SPON1: variants seen among roughly 807,000 people sequenced by gnomAD.
The protein encoded by SPON1 is spondin 1.
SPON1 carries 52 observed loss-of-function variants against 111.7 expected under a neutral mutation model. That is an observed-to-expected ratio of 0.47 (90% CI 0.37 to 0.59). The LOEUF (loss-of-function observed/expected upper bound fraction) is 0.59. Among genes scored for constraint, SPON1 ranks in the 20% least tolerant of loss-of-function variants. The probability of loss-of-function intolerance (pLI) is 0.00; values close to 1 mark genes in which losing one functional copy is unlikely to be tolerated. For synonymous variants in SPON1, 410 were observed against 395.8 expected, an observed-to-expected ratio of 1.04 and a Z score of -0.43; for missense variants, 957 against 1,068.5, an observed-to-expected ratio of 0.90 and a Z score of 1.46.
intron 6 of SPON1, among the ~76,000 whole-genome samples, chr11:14,141,029 C>CCCCCCCCCCCCCCCCCCCCCCCCCA (rs71041572): frequency 7.6e-6 from 1 of 132,274 alleles, no homozygotes; most frequent in African/African-American, 2.8e-5. Flanking sequence ...GTGCCCCCCC[C>CCCCCCCCCCCCCCCCCCCCCCCCCA]ATGCCCCACT....
chr11:14,254,779 C>T lies in SPON1; in HGVS notation c.1092+50C>T, dbSNP rs1554941021. The T allele has an allele frequency of 5.1e-6, 8 of 1,563,822 alleles. No homozygotes were observed. In the East Asian group the frequency reaches 1.8e-4, roughly 35 times the overall value. ...GAGTGGCTCCTTGCCTACCCGCTTCCTGAGTGTCCTGGACACAGAGGGGAT... is the reference window on the plus strand; with the variant it reads ...GAGTGGCTCCTTGCCTACCCGCTTCTTGAGTGTCCTGGACACAGAGGGGAT... On this transcript the variant is annotated intron_variant, in intron 8 of 15. Transcript: ENST00000576479.
chr11:14,013,013 C>T (rs781923265), intron 2 of SPON1, among the ~76,000 whole-genome samples: 3 of 152,206 alleles, frequency 2.0e-5, no homozygotes, highest in Non-Finnish European at 2.9e-5. Context: ...ATATTTCTTA[C>T]ATTCTTTCCC....
At chr11:13,988,241 T>C (rs1183509144) in intron 2 of SPON1, among the ~76,000 whole-genome samples, 4 of 152,228 alleles carry the variant, frequency 2.6e-5, no homozygotes, top group African/African-American at 9.6e-5. Context: ...AGCAGTGGTT[T>C]GTAGTTCTCC....
chr11:14,088,362 A>G (rs1165088490), intron 5 of SPON1, among the ~76,000 whole-genome samples: 1 of 152,170 alleles, frequency 6.6e-6, no homozygotes, highest in Non-Finnish European at 1.5e-5. Context: ...TTGTCTATAA[A>G]GGATTTTATT....
At chr11:14,106,460 A>T (rs1159268276) in intron 5 of SPON1, among the ~76,000 whole-genome samples, 2 of 152,194 alleles carry the variant, frequency 1.3e-5, no homozygotes, top group African/African-American at 4.8e-5. Context: ...ATATACCCTC[A>T]AGAATTGTTT....
chr11:14,101,912 G>A (rs1342784965), intron 5 of SPON1, among the ~76,000 whole-genome samples: 3 of 152,128 alleles, frequency 2.0e-5, no homozygotes, highest in African/African-American at 7.2e-5. Context: ...CAGAACTTCT[G>A]ATCACCTGTC....
intron 6 of SPON1, among the ~76,000 whole-genome samples, chr11:14,189,189 C>T (rs573187763): frequency 6.6e-6 from 1 of 152,184 alleles, no homozygotes; most frequent in African/African-American, 2.4e-5. Flanking sequence ...TGTCCAGAAG[C>T]CAATGATTGC....
chr11:14,061,574 T>G (rs1431378996), intron 3 of SPON1, among the ~76,000 whole-genome samples: 7 of 152,220 alleles, frequency 4.6e-5, no homozygotes, highest in Admixed American at 1.3e-4. Context: ...CAGTAAATCA[T>G]GGAGGAATAG....
chr11:14,044,106 T>A (rs1455450778), intron 3 of SPON1, among the ~76,000 whole-genome samples: 1 of 99,360 alleles, frequency 1.0e-5, no homozygotes, highest in Non-Finnish European at 2.5e-5. Flanking sequence ...GCAAGTTTTT[T>A]AAAGTCATGA....
intron 6 of SPON1, among the ~76,000 whole-genome samples, chr11:14,140,535 C>A (rs1847641530): frequency 6.6e-6 from 1 of 152,142 alleles, no homozygotes; most frequent in African/African-American, 2.4e-5. Flanking sequence ...GCTGGGATTA[C>A]AGGCGCCTGC....
intron 6 of SPON1, among the ~76,000 whole-genome samples, chr11:14,200,814 T>TA (rs572814576): frequency 0.024 from 1,896 of 79,244 alleles, 39 homozygotes; most frequent in African/African-American, 0.031. Context: ...GACCCTGTCT[T>TA]AAAAAAAAAA....
At chr11:14,166,508 A>G (rs1848031792) in intron 6 of SPON1, among the ~76,000 whole-genome samples, 1 of 152,146 alleles carries the variant, frequency 6.6e-6, no homozygotes, top group African/African-American at 2.4e-5. Context: ...GTACTCCAAT[A>G]GCACAATTTT....
At chr11:14,030,310 C>A (rs1442222435) in intron 2 of SPON1, among the ~76,000 whole-genome samples, 2 of 152,246 alleles carry the variant, frequency 1.3e-5, no homozygotes, top group African/African-American at 4.8e-5. Flanking sequence ...GCCTGGCCTG[C>A]TGTCTGTGCT....
rs529704385 is a variant in SPON1, at chr11:14,104,020, CAGTT to C, written c.676+24002_676+24005del. On this transcript the variant is annotated intron_variant, in intron 5 of 15. Coordinates refer to ENST00000576479, the MANE Select transcript of SPON1 (RefSeq NM_006108.4). ...ATTAAGGCTTTTATCACATAATTAA[CAGTT>C]AGCTTGCTTTAATAACTTTTACCAT... Among the ~76,000 whole-genome samples the C allele has an allele frequency of 1.8e-4, 28 of 152,260 alleles. No individual in the cohort carries two copies. In the South Asian group the frequency reaches 5.4e-3, roughly 29 times the overall value.
At chr11:14,066,264 T>G (rs1848831438) in intron 3 of SPON1, among the ~76,000 whole-genome samples, 1 of 152,232 alleles carries the variant, frequency 6.6e-6, no homozygotes, top group Non-Finnish European at 1.5e-5. Context: ...TTTGGCTTAA[T>G]GATGTATGTG....
chr11:14,170,727 C>G (rs1848088589), intron 6 of SPON1, among the ~76,000 whole-genome samples: 2 of 152,064 alleles, frequency 1.3e-5, no homozygotes, highest in Non-Finnish European at 2.9e-5. Flanking sequence ...TTGTCAAAGG[C>G]CTTTTCTGCA....
rs368713086 is a variant in SPON1, at chr11:14,085,230, C to T, written c.676+5209C>T. Among the ~76,000 whole-genome samples, 22 of 152,258 alleles carry T rather than the reference C, an allele frequency of 1.4e-4. 1 individual carries two copies. In the South Asian group the frequency reaches 4.4e-3, roughly 30 times the overall value. On this transcript the variant is annotated intron_variant, in intron 5 of 15. Transcript: ENST00000576479. ...ATGAAGTCTTTGCCCATGCTTATGT[C>T]CTGAATGATATTGCCTAGATTTTCT... is the stretch of plus-strand genomic sequence containing the variant.
intron 2 of SPON1, among the ~76,000 whole-genome samples, chr11:14,010,596 G>A (rs78074014): frequency 0.011 from 1,702 of 152,286 alleles, 31 homozygotes; most frequent in African/African-American, 0.04. Flanking sequence ...CATGAGTGGA[G>A]TGTGTTTACC....
chr11:13,975,779 C>CCT (rs1848098761), intron 1 of SPON1, among the ~76,000 whole-genome samples: 2 of 152,178 alleles, frequency 1.3e-5, no homozygotes, highest in South Asian at 4.1e-4. Context: ...TTCATTGGCA[C>CCT]CTACTAGAGT....
Sources: allele counts gnomAD v4.1 joint callset (sites outside exome capture counted in the v4.1 genomes callset), GRCh38; gene constraint gnomAD v4.1.1; transcripts MANE v1.5; gene names NCBI Gene and HGNC (gene_info 2026-07-23, HGNC 2026-07-21).